The following CD33 variants were observed in gnomAD, a reference collection of about 807,000 sequenced individuals.
CD33 encodes myeloid cell surface antigen CD33.
In CD33, 25 loss-of-function variants were observed where a neutral mutation model predicts 31.4. That is an observed-to-expected ratio of 0.80 (90% CI 0.58 to 1.11). The LOEUF (loss-of-function observed/expected upper bound fraction) is 1.11, where lower values mean the gene tolerates loss of function less well. Among genes scored for constraint, CD33 ranks in the 50% most tolerant of loss-of-function variants. The pLI, the probability that CD33 is intolerant of heterozygous loss-of-function variation, is 0.00. For synonymous variants in CD33, 176 were observed against 180.6 expected, an observed-to-expected ratio of 0.97 and a Z score of 0.20; for missense variants, 407 against 448.1, an observed-to-expected ratio of 0.91 and a Z score of 0.83.
At chr19:51,216,818 T>C in the CD33 span, among the ~76,000 whole-genome samples, 1 of 152,184 alleles carries the variant, frequency 6.6e-6, no homozygotes, top group African/African-American at 2.4e-5. Context: ...ACCATCTCTG[T>C]ACCTGATGAT....
chr19:51,223,140 A>C (rs1980767075), upstream of CD33, among the ~76,000 whole-genome samples: 1 of 152,018 alleles, frequency 6.6e-6, no homozygotes, highest in Non-Finnish European at 1.5e-5. Flanking sequence ...GAGTCACTTG[A>C]GTCTGGGAGG....
the CD33 span, among the ~76,000 whole-genome samples, chr19:51,213,785 C>T: frequency 6.6e-6 from 1 of 152,092 alleles, no homozygotes; most frequent in African/African-American, 2.4e-5. Flanking sequence ...ATCTGCCTGC[C>T]TCGGCCTCCC....
upstream of CD33, among the ~76,000 whole-genome samples, chr19:51,220,794 A>G (rs546330052): frequency 5.3e-5 from 8 of 152,104 alleles, no homozygotes; most frequent in African/African-American, 1.9e-4. Context: ...TTCTCTTTCT[A>G]TTACTTTCTC....
In CD33 at chr19:51,239,784, C is replaced by A; in HGVS notation, c.*96C>A. ...TCTTGGAGATTTAACACCCCACAGGCAATGGGTTTATAGACATTATGTGAG... is the reference window on the plus strand; with the variant it reads ...TCTTGGAGATTTAACACCCCACAGGAAATGGGTTTATAGACATTATGTGAG... On this transcript the variant is annotated 3_prime_UTR_variant, in exon 7 of 7. Transcript: ENST00000262262. The A allele has an allele frequency of 1.1e-6, 1 of 952,302 alleles. No homozygotes were observed. The highest frequency in any genetic ancestry group is 1.6e-6 in the Non-Finnish European group (1 of 636,920). 59.0% of individuals were successfully genotyped at this position (952,302 alleles called of 1,614,324 possible). A position where few individuals can be genotyped will look rare whatever the true frequency, so the allele number is the denominator to read the frequency against.
In CD33 at chr19:51,225,275, A is replaced by C; in HGVS notation, c.95A>C (p.Gln32Pro). The change falls in exon 2 of 7, where the codon CAG becomes CCG. Residue 32 changes from glutamine to proline, a missense_variant. By Grantham distance (76) the Gln-to-Pro change is moderately conservative. Transcript: ENST00000262262. ...WLQVQESVTV[Q>P]EGLCVLVPCT... ...CAAGTGCAGGAGTCAGTGACGGTAC[A>C]GGAGGGTTTGTGCGTCCTCGTGCCC... 1.2e-6 allele frequency: 2 copies of C among 1,614,150 alleles called. No homozygotes were observed. The highest frequency in any genetic ancestry group is 1.7e-6 in the Non-Finnish European group (2 of 1,180,008).
chr19:51,225,249 G>C lies in CD33; in HGVS notation c.69G>C (p.Leu23=). The C allele has an allele frequency of 6.2e-7, 1 of 1,613,554 alleles. No individual in the cohort carries two copies. The highest frequency in any genetic ancestry group is 8.5e-7 in the Non-Finnish European group (1 of 1,179,578). Residue 23 remains leucine (L), a synonymous_variant, in exon 2 of 7, where the codon CTG becomes CTC. Coordinates refer to ENST00000262262, the MANE Select transcript of CD33 (RefSeq NM_001772.4). ...GALAMDPNFW[L]QVQESVTVQE... ...TGGCTATGGATCCAAATTTCTGGCT[G>C]CAAGTGCAGGAGTCAGTGACGGTAC...
intron 5 of CD33, 42 bp from the exon 6 acceptor site, chr19:51,235,553 C>T: frequency 6.3e-7 from 1 of 1,590,862 alleles, no homozygotes; most frequent in Non-Finnish European, 8.6e-7. Context: ...GGCCCCACAG[C>T]CTGAGAAAAC....
At chr19:51,218,518 C>A in the CD33 span, among the ~76,000 whole-genome samples, 1 of 152,082 alleles carries the variant, frequency 6.6e-6, no homozygotes, top group African/African-American at 2.4e-5. Flanking sequence ...TATGCAGAAG[C>A]TTTTTAGTTT....
intron 5 of CD33, 110 bp downstream of exon 5, chr19:51,235,363 G>C: frequency 2.4e-6 from 3 of 1,247,332 alleles, no homozygotes; most frequent in South Asian, 2.6e-5. Flanking sequence ...GGGGTGTGAT[G>C]ATGTACAGAA....
At chr19:51,228,053 C>T (rs1403420311) in intron 4 of CD33, among the ~76,000 whole-genome samples, 1 of 151,942 alleles carries the variant, frequency 6.6e-6, no homozygotes, top group Non-Finnish European at 1.5e-5. Flanking sequence ...TCGGTGTTCT[C>T]TATTATGTAT....
In CD33 at chr19:51,226,107, G is replaced by T. The variant is rs879252427; in HGVS notation, c.697+26G>T. On this transcript the variant is annotated intron_variant, in intron 3 of 6. Coordinates refer to ENST00000262262, the MANE Select transcript of CD33 (RefSeq NM_001772.4). ...GTAAGTGCTGGGCCAGGATGCTGGG[G>T]TCCCTGAGGGTGTAGGGGAGACAGG... 3 of 1,609,748 alleles carry T rather than the reference G, an allele frequency of 1.9e-6. No individual in the cohort carries two copies. In the Admixed American group the frequency reaches 5.0e-5, roughly 27 times the overall value.
intron 5 of CD33, 61 bp downstream of exon 5, chr19:51,235,314 A>C: frequency 6.8e-7 from 1 of 1,462,132 alleles, no homozygotes; most frequent in Non-Finnish European, 9.6e-7. Context: ...CTGGTGTAGA[A>C]GGGTCCTGGA....
intron 6 of CD33, chr19:51,235,944 G>A (rs1044196296): frequency 5.7e-6 from 4 of 696,458 alleles, no homozygotes. Context: ...GGATCACGAG[G>A]TCAGGAGATT....
At chr19:51,215,563 T>C in the CD33 span, among the ~76,000 whole-genome samples, 1 of 152,082 alleles carries the variant, frequency 6.6e-6, no homozygotes, top group Non-Finnish European at 1.5e-5. Context: ...CTCAGGTGAG[T>C]GTTGTGGACG....
At chr19:51,235,546 C>T in intron 5 of CD33, 49 bp from the exon 6 acceptor site, 1 of 1,582,308 alleles carries the variant, frequency 6.3e-7, no homozygotes, top group Non-Finnish European at 8.6e-7. Context: ...TAACAATGGC[C>T]CCACAGCCTG....
chr19:51,223,963 G>T (rs369783858), upstream of CD33, among the ~76,000 whole-genome samples: 5 of 152,178 alleles, frequency 3.3e-5, no homozygotes, highest in African/African-American at 1.2e-4. Flanking sequence ...CAGGAATCAG[G>T]TCAGTGGCAT....
Position 51,226,368 on chromosome 19 carries a change from C to T in CD33, c.745+12C>T. On this transcript the variant is annotated intron_variant, in intron 4 of 6. Coordinates refer to ENST00000262262, the MANE Select transcript of CD33 (RefSeq NM_001772.4). Reference sequence around the variant, plus strand: ...AGGAGATGGCTCAGGTAGGAAGGAGCCTCCCCGCCTGGGGCTGTTACTGAC... The same window carrying T: ...AGGAGATGGCTCAGGTAGGAAGGAGTCTCCCCGCCTGGGGCTGTTACTGAC... 2 of 1,611,440 alleles carry T rather than the reference C, an allele frequency of 1.2e-6. No homozygotes were observed. Among genetic ancestry groups the T allele is most frequent in the African/African-American group, 1.3e-5 (1 of 74,974 alleles).
At chr19:51,229,065 T>C (rs1486961780) in intron 4 of CD33, among the ~76,000 whole-genome samples, 1 of 152,190 alleles carries the variant, frequency 6.6e-6, no homozygotes, top group East Asian at 1.9e-4. Context: ...GTACTTTCCT[T>C]CTATACCTAA....
rs1981620437 is a variant in CD33, at chr19:51,234,202, T to C, written c.746-955T>C. Among the ~76,000 whole-genome samples the C allele has an allele frequency of 4.6e-5, 7 of 152,142 alleles. No individual in the cohort carries two copies. In the South Asian group the frequency reaches 1.5e-3, roughly 32 times the overall value. On this transcript the variant is annotated intron_variant, in intron 4 of 6. Transcript: ENST00000262262. ...AAGACTTCCCGTATGCCCTCTACCC[T>C]TACACATAGTTTCCCCGGCCATCAG...
Sources: allele counts gnomAD v4.1 joint callset (sites outside exome capture counted in the v4.1 genomes callset), GRCh38; gene constraint gnomAD v4.1.1; transcripts MANE v1.5; gene names NCBI Gene and HGNC (gene_info 2026-07-23, HGNC 2026-07-21).